SMTNL2: variants seen among roughly 807,000 people sequenced by gnomAD.
The protein encoded by SMTNL2 is smoothelin like 2, also known as smoothelin-like protein 2.
Under a neutral mutation model 44.1 loss-of-function variants are expected in SMTNL2, and 43 were observed. The observed-to-expected ratio is 0.98, with a 90% CI of 0.76 to 1.26. The LOEUF (loss-of-function observed/expected upper bound fraction) is 1.26, where lower values mean the gene tolerates loss of function less well. Ranked by LOEUF, SMTNL2 falls within the 50% of genes most tolerant of loss-of-function variation. SMTNL2 has a pLI of 0.00. For missense variants in SMTNL2, 646 were observed against 670.2 expected (o/e 0.96, Z 0.40); for synonymous variants, 317 against 287.6 (o/e 1.10, Z -1.03).
chr17:4,584,631 A>G lies in SMTNL2; in HGVS notation c.26A>G (p.Glu9Gly). 1 of 1,247,804 alleles carries G rather than the reference A, an allele frequency of 8.0e-7. No homozygotes were observed. The highest frequency in any genetic ancestry group is 1.0e-6 in the Non-Finnish European group (1 of 997,360). 77.3% of individuals were successfully genotyped at this position (1,247,804 alleles called of 1,614,324 possible). Reference protein sequence around the residue: MEPAPDAQEARTVREALGR... With the variant: MEPAPDAQGARTVREALGR... Reference sequence around the variant, plus strand: ...ATGGAGCCGGCCCCCGACGCCCAGGAGGCGCGCACTGTGCGCGAGGCGCTG... The same window carrying G: ...ATGGAGCCGGCCCCCGACGCCCAGGGGGCGCGCACTGTGCGCGAGGCGCTG... The change falls in exon 1 of 8, where the codon GAG becomes GGG. Residue 9 changes from glutamate to glycine, a missense_variant. Transcript: ENST00000389313.
At chr17:4,591,694 G>T (rs1456158815) in intron 1 of SMTNL2, among the ~76,000 whole-genome samples, 1 of 152,186 alleles carries the variant, frequency 6.6e-6, no homozygotes, top group Middle Eastern at 3.2e-3. Flanking sequence ...AACTGATGTG[G>T]CCCAGGTCAC....
chr17:4,592,268 C>A lies in SMTNL2; in HGVS notation c.400-93C>A. 1 of 1,215,556 alleles carries A rather than the reference C, an allele frequency of 8.2e-7. No individual in the cohort carries two copies. Among genetic ancestry groups the A allele is most frequent in the Non-Finnish European group, 1.2e-6 (1 of 839,274 alleles). 75.3% of individuals were successfully genotyped at this position (1,215,556 alleles called of 1,614,324 possible). Reference sequence around the variant, plus strand: ...TTCTCTCAACATGATTGGTGTTTTGCCAGAACGGGAGGGGATTTGGGGGTG... The same window carrying A: ...TTCTCTCAACATGATTGGTGTTTTGACAGAACGGGAGGGGATTTGGGGGTG... On this transcript the variant is annotated intron_variant, in intron 1 of 7. Coordinates refer to ENST00000389313, the MANE Select transcript of SMTNL2 (RefSeq NM_001114974.2). The surrounding 1 kb of genome is among the most constrained non-coding windows in gnomAD (Gnocchi z 4.5).
In SMTNL2 at chr17:4,595,234, A is replaced by C. The variant is rs1207368525; in HGVS notation, c.896A>C (p.Glu299Ala). 1 of 1,613,040 alleles carries C rather than the reference A, an allele frequency of 6.2e-7. No homozygotes were observed. The highest frequency in any genetic ancestry group is 8.5e-7 in the Non-Finnish European group (1 of 1,179,968). Residue 299 changes from glutamate to alanine, a missense_variant, in exon 5 of 8, where the codon GAG becomes GCG. Transcript: ENST00000389313. The surrounding 1 kb of genome is among the most constrained non-coding windows in gnomAD (Gnocchi z 5.1). ...QVHRQGERRR[E>A]LVRSQTLPRT... is the part of the protein sequence containing the mutation. The stretch of plus-strand genomic sequence containing the variant: ...CATCGGCAGGGGGAGCGTCGCAGGG[A>C]GCTGGTGAGGTCGCAGACGCTGCCC...
Position 4,601,580 on chromosome 17 carries a change from G to A in SMTNL2, c.1259+4257G>A, listed in dbSNP as rs540905407. 6.6e-5 allele frequency among the ~76,000 whole-genome samples: 10 copies of A among 152,264 alleles called. No individual in the cohort carries two copies. In the South Asian group the frequency reaches 1.9e-3, roughly 28 times the overall value. ...ACTTTGTCTCCCAGGCTGGAATACAGTGGTGCAATCACAGCTCACTGTAGC... is the reference window on the plus strand; with the variant it reads ...ACTTTGTCTCCCAGGCTGGAATACAATGGTGCAATCACAGCTCACTGTAGC... On this transcript the variant is annotated intron_variant, in intron 7 of 7. Coordinates refer to ENST00000389313, the MANE Select transcript of SMTNL2 (RefSeq NM_001114974.2).
Position 4,595,356 on chromosome 17 carries a change from G to T in SMTNL2, c.989+29G>T. 6.2e-7 allele frequency: 1 copy of T among 1,604,316 alleles called. No homozygotes were observed. Among genetic ancestry groups the T allele is most frequent in the Non-Finnish European group, 8.5e-7 (1 of 1,174,632 alleles). ...CGGATGCCCACTCACAGACAGGCCC[G>T]GCCCCACGGTGTGCCCAGACCCAGA... On this transcript the variant is annotated intron_variant, in intron 5 of 7. Coordinates refer to ENST00000389313, the MANE Select transcript of SMTNL2 (RefSeq NM_001114974.2). This position sits in a 1 kb window ranked among gnomAD's most constrained non-coding sequence, Gnocchi z 5.1.
At chr17:4,589,393 C>A (rs1909470976) in intron 1 of SMTNL2, among the ~76,000 whole-genome samples, 1 of 152,150 alleles carries the variant, frequency 6.6e-6, no homozygotes, top group African/African-American at 2.4e-5. Flanking sequence ...ACTGTGGGGG[C>A]CGGGGTTCCA....
chr17:4,585,837 C>G (rs1304279907), intron 1 of SMTNL2, among the ~76,000 whole-genome samples: 1 of 152,218 alleles, frequency 6.6e-6, no homozygotes, highest in Admixed American at 6.5e-5. Flanking sequence ...TGGTGCAATC[C>G]CTGGGGCTCT....
chr17:4,595,208 C>G lies in SMTNL2; in HGVS notation c.870C>G (p.Val290=). The change falls in exon 5 of 8, where the codon GTC becomes GTG. Residue 290 remains valine (V), a synonymous_variant. Transcript: ENST00000389313. This position sits in a 1 kb window ranked among gnomAD's most constrained non-coding sequence, Gnocchi z 5.1. ...CGCAGCCGCCAGCCATAACTCAGGTCCATCGGCAGGGGGAGCGTCGCAGGG... is the reference window on the plus strand; with the variant it reads ...CGCAGCCGCCAGCCATAACTCAGGTGCATCGGCAGGGGGAGCGTCGCAGGG... The part of the protein sequence containing the change: ...VSPQPPAITQ[V]HRQGERRREL... The G allele has an allele frequency of 6.2e-7, 1 of 1,613,508 alleles. No homozygotes were observed. Among genetic ancestry groups the G allele is most frequent in the Non-Finnish European group, 8.5e-7 (1 of 1,180,008 alleles).
chr17:4,592,925 C>G lies in SMTNL2; in HGVS notation c.488-4C>G. On this transcript the variant is annotated splice_region_variant and splice_polypyrimidine_tract_variant and intron_variant, in intron 2 of 7. Transcript: ENST00000389313. The surrounding 1 kb of genome is among the most constrained non-coding windows in gnomAD (Gnocchi z 4.5). ...CACCCACCCATGCTGGTCACATGTT[C>G]CAGGTCCAGGCGATGGACCCCCTGA... 1 of 1,608,660 alleles carries G rather than the reference C, an allele frequency of 6.2e-7. No homozygotes were observed. Among genetic ancestry groups the G allele is most frequent in the Non-Finnish European group, 8.5e-7 (1 of 1,176,158 alleles).
At position 4,594,028 on chromosome 17, in the gene SMTNL2, A is replaced by C. The variant is rs55888731; in HGVS notation, c.806+131A>C. On this transcript the variant is annotated intron_variant, in intron 4 of 7. Transcript: ENST00000389313. Reference sequence around the variant, plus strand: ...AGGCTCGGGGCTGGATCTCGGGAGCACTGGGCGGCAGGATGGGGGGAAGGT... The same window carrying C: ...AGGCTCGGGGCTGGATCTCGGGAGCCCTGGGCGGCAGGATGGGGGGAAGGT... 0.021 allele frequency: 18,459 copies of C among 868,514 alleles called. 2,153 individuals are homozygous for C. The African/African-American group carries it at 0.26, about 12-fold the overall frequency. 53.8% of individuals were successfully genotyped at this position (868,514 alleles called of 1,614,324 possible).
At chr17:4,584,407 A>G (rs1043527447), upstream of SMTNL2, 2 of 466,728 alleles carry the variant, frequency 4.3e-6, no homozygotes, top group Non-Finnish European at 6.7e-6. Context: ...CTCCCTCCGC[A>G]CCGTCCCGCT....
rs1567634913 is a variant in SMTNL2, at chr17:4,595,289, A to C, written c.951A>C (p.Ala317=). The C allele has an allele frequency of 6.2e-7, 1 of 1,613,124 alleles. No individual in the cohort carries two copies. The highest frequency in any genetic ancestry group is 8.5e-7 in the Non-Finnish European group (1 of 1,179,822). ...PRTSEAQARK[A]LFEKWEQETA... ...CCTCGGAGGCGCAGGCCCGGAAAGCATTGTTTGAGAAGTGGGAGCAGGAAA... is the reference window on the plus strand; with the variant it reads ...CCTCGGAGGCGCAGGCCCGGAAAGCCTTGTTTGAGAAGTGGGAGCAGGAAA... The change falls in exon 5 of 8, where the codon GCA becomes GCC. Residue 317 remains alanine, a synonymous_variant. Transcript: ENST00000389313. This position sits in a 1 kb window ranked among gnomAD's most constrained non-coding sequence, Gnocchi z 5.1.
At chr17:4,585,434 G>A (rs575007557) in intron 1 of SMTNL2, among the ~76,000 whole-genome samples, 3 of 152,238 alleles carry the variant, frequency 2.0e-5, no homozygotes, top group Non-Finnish European at 2.9e-5. Flanking sequence ...GAGGCCTGAC[G>A]GCTCTGGTTA....
chr17:4,607,303 G>A lies in SMTNL2; in HGVS notation c.1260-58G>A, dbSNP rs1010792913. ...GGGACCGAGACACCGGCCCTGTCGC[G>A]GCTGTGGGGCTGGCTGATGGCTGGG... On this transcript the variant is annotated intron_variant, in intron 7 of 7. Transcript: ENST00000389313. This position sits in a 1 kb window ranked among gnomAD's most constrained non-coding sequence, Gnocchi z 4.7. 5.5e-5 allele frequency: 88 copies of A among 1,599,962 alleles called. No individual in the cohort carries two copies. Among genetic ancestry groups the A allele is most frequent in the Admixed American group, 1.2e-4 (7 of 58,640 alleles).
Position 4,607,741 on chromosome 17 carries a change from C to A in SMTNL2, c.*254C>A, listed in dbSNP as rs1340877510. 2 of 433,186 alleles carry A rather than the reference C, an allele frequency of 4.6e-6. No homozygotes were observed. Among genetic ancestry groups the A allele is most frequent in the Non-Finnish European group, 8.1e-6 (2 of 245,948 alleles). The allele number at this position is 433,186 out of a possible 1,614,324, so 26.8% of individuals were successfully genotyped here. ...GGAAAAATTATGAGAGAGAGAGAGA[C>A]ATTGGTGCTAAGTAATGATCTTCCT... is the stretch of plus-strand genomic sequence containing the variant. On this transcript the variant is annotated 3_prime_UTR_variant, in exon 8 of 8. Coordinates refer to ENST00000389313, the MANE Select transcript of SMTNL2 (RefSeq NM_001114974.2). The surrounding 1 kb of genome is among the most constrained non-coding windows in gnomAD (Gnocchi z 4.7).
chr17:4,594,095 T>C (rs1419899946), intron 4 of SMTNL2, among the ~76,000 whole-genome samples, 198 bp downstream of exon 4: 6 of 151,992 alleles, frequency 3.9e-5, no homozygotes, highest in Non-Finnish European at 8.8e-5. Context: ...GTGGAGAGTT[T>C]CATTTGGAGA....
chr17:4,592,856 G>A lies in SMTNL2; in HGVS notation c.488-73G>A, dbSNP rs1446650246. The A allele has an allele frequency of 5.8e-6, 9 of 1,547,216 alleles. No homozygotes were observed. Among genetic ancestry groups the A allele is most frequent in the African/African-American group, 2.7e-5 (2 of 73,482 alleles). ...GGGAGGAGGGCCCAGGGAGGCTAGA[G>A]CCCTCCTGGGAGGTCCCAGGCCCCT... is the stretch of plus-strand genomic sequence containing the variant. On this transcript the variant is annotated intron_variant, in intron 2 of 7. Coordinates refer to ENST00000389313, the MANE Select transcript of SMTNL2 (RefSeq NM_001114974.2). This position sits in a 1 kb window ranked among gnomAD's most constrained non-coding sequence, Gnocchi z 4.5.
chr17:4,592,016 G>T lies in SMTNL2; in HGVS notation c.400-345G>T, dbSNP rs140804424. On this transcript the variant is annotated intron_variant, in intron 1 of 7. Coordinates refer to ENST00000389313, the MANE Select transcript of SMTNL2 (RefSeq NM_001114974.2). This position sits in a 1 kb window ranked among gnomAD's most constrained non-coding sequence, Gnocchi z 4.5. Reference sequence around the variant, plus strand: ...GGCCCAGCTGAGAGGGGCAGGGGGCGAGGCACTCCTGACCCCATCATCTGG... The same window carrying T: ...GGCCCAGCTGAGAGGGGCAGGGGGCTAGGCACTCCTGACCCCATCATCTGG... 6.6e-6 allele frequency among the ~76,000 whole-genome samples: 1 copy of T among 152,192 alleles called. No homozygotes were observed. Among genetic ancestry groups the T allele is most frequent in the Non-Finnish European group, 1.5e-5 (1 of 68,028 alleles).
At position 4,592,464 on chromosome 17, in the gene SMTNL2, G is replaced by A. The variant is rs1909619193; in HGVS notation, c.487+16G>A. On this transcript the variant is annotated intron_variant, in intron 2 of 7. Coordinates refer to ENST00000389313, the MANE Select transcript of SMTNL2 (RefSeq NM_001114974.2). The surrounding 1 kb of genome is among the most constrained non-coding windows in gnomAD (Gnocchi z 4.5). ...CCGGGGGCAGGTAGGGCTGACGGCA[G>A]AGGAGGGGTGGCTGGGTAGGTTTGG... The A allele has an allele frequency of 6.2e-7, 1 of 1,608,208 alleles. No homozygotes were observed. The highest frequency in any genetic ancestry group is 8.5e-7 in the Non-Finnish European group (1 of 1,177,268).
Sources: allele counts gnomAD v4.1 joint callset (sites outside exome capture counted in the v4.1 genomes callset), GRCh38; gene constraint gnomAD v4.1.1; non-coding constraint Gnocchi (gnomAD v3.1); transcripts MANE v1.5; gene names NCBI Gene and HGNC (gene_info 2026-07-23, HGNC 2026-07-21).